Variants in PCBP3 observed in about 807,000 individuals in gnomAD.
PCBP3 encodes poly(rC) binding protein 3.
PCBP3 carries 25 observed loss-of-function variants against 52.7 expected under a neutral mutation model. The ratio of observed to expected loss-of-function variants is 0.47; its 90% CI spans 0.35 to 0.66. The LOEUF is 0.66. Ranked by LOEUF, PCBP3 falls within the 30% of genes least tolerant of loss-of-function variation. PCBP3 has a pLI of 0.01. For missense variants in PCBP3, 391 were observed against 490.3 expected, an observed-to-expected ratio of 0.80 and a Z score of 1.91; for synonymous variants, 162 against 183.0, an observed-to-expected ratio of 0.89 and a Z score of 0.93.
rs1362228282 is a variant in PCBP3, at chr21:45,821,469, G to C, written c.-125-28492G>C. Among the ~76,000 whole-genome samples the C allele has an allele frequency of 7.5e-6, 1 of 132,494 alleles. No homozygotes were observed. Among genetic ancestry groups the C allele is most frequent in the Non-Finnish European group, 1.5e-5 (1 of 65,186 alleles). The allele number at this position is 132,494 out of a possible 152,430, so 86.9% of individuals were successfully genotyped here. On this transcript the variant is annotated intron_variant, in intron 4 of 17. Transcript: ENST00000681687. This position sits in a 1 kb window ranked among gnomAD's most constrained non-coding sequence, Gnocchi z 4.4. ...CGCACCTTCCCCCAACTCTTTTCTA[G>C]AACACTCTTCCCCCTGCACCACGCT...
intron 2 of PCBP3, among the ~76,000 whole-genome samples, chr21:45,695,318 T>TCTCTTC (rs778217886): frequency 1.3e-5 from 2 of 152,166 alleles, no homozygotes; most frequent in African/African-American, 2.4e-5. Context: ...GGAAGGGGCT[T>TCTCTTC]CTCTTCCAGG....
chr21:45,873,672 C>T (rs999864729), intron 5 of PCBP3, among the ~76,000 whole-genome samples: 56 of 152,224 alleles, frequency 3.7e-4, no homozygotes, highest in Non-Finnish European at 3.4e-4. Context: ...CAGGGGACCA[C>T]GCGCTGGGTA....
chr21:45,667,139 C>T (rs1240631432), intron 1 of PCBP3, among the ~76,000 whole-genome samples: 2 of 112,498 alleles, frequency 1.8e-5, no homozygotes, highest in African/African-American at 7.1e-5. Context: ...CTTCCCTTCC[C>T]TTTTTCTTTC....
At chr21:45,839,681 G>A (rs2093658806) in intron 4 of PCBP3, among the ~76,000 whole-genome samples, 1 of 152,116 alleles carries the variant, frequency 6.6e-6, no homozygotes, top group East Asian at 1.9e-4. Flanking sequence ...TTATGTCTTA[G>A]TGTTGTTGTT....
intron 4 of PCBP3, chr21:45,831,307 G>C (rs1030176837): frequency 2.6e-5 from 4 of 151,978 alleles, no homozygotes; most frequent in African/African-American, 7.3e-5. Context: ...TACCTAGCAG[G>C]CTGAGGTGGG....
intron 15 of PCBP3, among the ~76,000 whole-genome samples, chr21:45,931,363 C>T (rs2076149320): frequency 1.3e-5 from 2 of 152,246 alleles, no homozygotes. Context: ...TCCATGTGCA[C>T]ATGGCCGGTG....
chr21:45,725,202 G>A (rs1237262066), intron 2 of PCBP3, among the ~76,000 whole-genome samples: 1 of 152,182 alleles, frequency 6.6e-6, no homozygotes, highest in Non-Finnish European at 1.5e-5. Flanking sequence ...TGTGGTCTGT[G>A]GTAGCTTCCA....
intron 5 of PCBP3, chr21:45,871,178 G>A: frequency 5.6e-6 from 1 of 177,788 alleles, no homozygotes; most frequent in Non-Finnish European, 1.2e-5. Flanking sequence ...AGGCCGTGCA[G>A]CCCAGTGCCT....
rs2077502876 is a variant in PCBP3, at chr21:45,941,931, G to A, written c.*225G>A. ...CCCCCCTCAGTGTTATTTTATTTAT[G>A]ACTTACGCTCCCGTCTGCCCATGCA... is the stretch of plus-strand genomic sequence containing the variant. On this transcript the variant is annotated 3_prime_UTR_variant, in exon 18 of 18. Transcript: ENST00000681687. 2.4e-6 allele frequency: 1 copy of A among 424,562 alleles called. No homozygotes were observed. The highest frequency in any genetic ancestry group is 2.0e-5 in the African/African-American group (1 of 48,842). 26.3% of individuals were successfully genotyped at this position (424,562 alleles called of 1,614,324 possible). A position where few individuals can be genotyped will look rare whatever the true frequency, so the allele number is the denominator to read the frequency against.
At chr21:45,794,200 T>A (rs2091793463) in intron 4 of PCBP3, among the ~76,000 whole-genome samples, 1 of 152,226 alleles carries the variant, frequency 6.6e-6, no homozygotes, top group Admixed American at 6.5e-5. Context: ...TTAAATGGAT[T>A]AATGATTTAC....
intron 13 of PCBP3, among the ~76,000 whole-genome samples, chr21:45,925,690 C>T (rs2075307866): frequency 6.6e-6 from 1 of 151,562 alleles, no homozygotes; most frequent in Non-Finnish European, 1.5e-5. Context: ...ATATTAACAT[C>T]AGTAGGGGGA....
intron 4 of PCBP3, among the ~76,000 whole-genome samples, chr21:45,796,303 T>C (rs564139906): frequency 1.2e-4 from 18 of 152,324 alleles, no homozygotes; most frequent in Admixed American, 5.9e-4. Context: ...ATAAGTAAAG[T>C]GTTAGAAAAT....
intron 4 of PCBP3, among the ~76,000 whole-genome samples, chr21:45,797,668 G>GA (rs1569235485): frequency 0.037 from 202 of 5,514 alleles, no homozygotes; most frequent in Admixed American, 0.061. Context: ...TGGATCCATA[G>GA]GGAGAGTGAA....
intron 5 of PCBP3, among the ~76,000 whole-genome samples, chr21:45,877,155 T>C (rs1370558379): frequency 3.9e-5 from 6 of 152,250 alleles, no homozygotes; most frequent in Admixed American, 3.9e-4. Context: ...CGGGATGTCA[T>C]TCACTGTTAT....
intron 5 of PCBP3, among the ~76,000 whole-genome samples, chr21:45,866,305 C>T (rs1418979120): frequency 6.6e-6 from 1 of 152,188 alleles, no homozygotes; most frequent in Non-Finnish European, 1.5e-5. Context: ...CAGATATGAA[C>T]CAGACAGACC....
chr21:45,941,379 A>G (rs1488597305), intron 17 of PCBP3, among the ~76,000 whole-genome samples: 6 of 152,152 alleles, frequency 3.9e-5, no homozygotes, highest in African/African-American at 1.4e-4. Flanking sequence ...GAAGGCCCTG[A>G]GCACCCCCAG....
At chr21:45,786,289 C>CTTTTTTTTTTTTTTTTTTTTT (rs55719581) in intron 4 of PCBP3, among the ~76,000 whole-genome samples, 1 of 142,692 alleles carries the variant, frequency 7.0e-6, no homozygotes, top group Non-Finnish European at 1.5e-5. Flanking sequence ...ATTTAAGTAT[C>CTTTTTTTTTTTTTTTTTTTTT]TTTTTTTTTT....
intron 15 of PCBP3, among the ~76,000 whole-genome samples, chr21:45,934,226 G>C (rs1010358598): frequency 8.5e-5 from 13 of 152,286 alleles, no homozygotes; most frequent in Admixed American, 7.8e-4. Flanking sequence ...CAGAATCCGA[G>C]TTACAAGAAC....
At chr21:45,783,159 T>C (rs996718458) in intron 4 of PCBP3, among the ~76,000 whole-genome samples, 1 of 152,244 alleles carries the variant, frequency 6.6e-6, no homozygotes, top group Non-Finnish European at 1.5e-5. Flanking sequence ...TGGAGTAATA[T>C]TGCAGAAATA....
Sources: gnomAD v4.1 joint callset for allele counts (sites outside exome capture counted in the v4.1 genomes callset) on GRCh38, gnomAD v4.1.1 for gene constraint, Gnocchi (gnomAD v3.1) non-coding constraint, MANE v1.5 for transcripts, NCBI Gene and HGNC (gene_info 2026-07-23, HGNC 2026-07-21) for gene names.